The following NAV1 variants were observed in gnomAD, a reference collection of about 807,000 sequenced individuals.
NAV1 encodes the protein neuron navigator 1, also known as pore membrane and/or filament interacting like protein 3.
A neutral mutation model predicts 175.2 loss-of-function variants in NAV1; 18 were observed. That is an observed-to-expected ratio of 0.10 (90% CI 0.07 to 0.15). The LOEUF (loss-of-function observed/expected upper bound fraction) is 0.15. Ranked by LOEUF, NAV1 falls within the 10% of genes least tolerant of loss-of-function variation. The probability of loss-of-function intolerance (pLI) is 1.00; values close to 1 mark genes in which losing one functional copy is unlikely to be tolerated. For missense variants in NAV1, 1,731 were observed against 2,436.6 expected (o/e 0.71, Z 6.10); for synonymous variants, 897 against 978.7 (o/e 0.92, Z 1.56).
rs765589788 is a variant in NAV1, at chr1:201,623,168, C to A, written c.-539C>A. ...GAGTCAGCTGAGGATGGGGAAGGCC[C>A]CTTCAGCTCCCCATGGAATAGTCCC... On this transcript the variant is annotated 5_prime_UTR_variant, in exon 1 of 30. Transcript: ENST00000367302. 177 of 985,954 alleles carry A rather than the reference C, an allele frequency of 1.8e-4. No homozygotes were observed. The African/African-American group carries it at 2.9e-3, about 16-fold the overall frequency. The allele number at this position is 985,954 out of a possible 1,614,324, so 61.1% of individuals were successfully genotyped here.
intron 15 of NAV1, among the ~76,000 whole-genome samples, chr1:201,802,623 AC>A (rs1193244996): frequency 6.6e-6 from 1 of 151,796 alleles, no homozygotes; most frequent in African/African-American, 2.4e-5. Flanking sequence ...TACTAAAAAT[AC>A]GAAAAAATTA....
intron 2 of NAV1, 73 bp downstream of exon 6, chr1:201,712,992 C>T (rs1032885863): frequency 7.8e-6 from 9 of 1,150,024 alleles, no homozygotes; most frequent in Admixed American, 1.7e-5. Context: ...AGGGCAGGGC[C>T]CCCGGGTCCC....
intron 2 of NAV1, among the ~76,000 whole-genome samples, chr1:201,600,510 G>C (rs1667484065): frequency 6.6e-6 from 1 of 152,234 alleles, no homozygotes; most frequent in South Asian, 2.1e-4. Flanking sequence ...TAATGTGCCA[G>C]TGTTGATTTC....
At chr1:201,657,102 G>A (rs976148234) in intron 1 of NAV1, among the ~76,000 whole-genome samples, 6 of 152,126 alleles carry the variant, frequency 3.9e-5, no homozygotes, top group African/African-American at 1.4e-4. Context: ...ATCCCAAGGG[G>A]GAAATGAAAA....
chr1:201,755,139 T>G (rs988664452), intron 3 of NAV1, among the ~76,000 whole-genome samples: 4 of 152,232 alleles, frequency 2.6e-5, no homozygotes, highest in Non-Finnish European at 5.9e-5. Flanking sequence ...TCAACATTTT[T>G]CAGCAACACT....
chr1:201,539,148 G>T lies in NAV1; in HGVS notation c.-338G>T, dbSNP rs536346632. Among the ~76,000 whole-genome samples the T allele has an allele frequency of 1.6e-3, 243 of 152,314 alleles. 4 individuals are homozygous for T. In the South Asian group the frequency reaches 0.048, roughly 30 times the overall value. On this transcript the variant is annotated 5_prime_UTR_variant, in exon 1 of 34. Coordinates refer to the NAV1 transcript ENST00000685211. This position sits in a 1 kb window ranked among gnomAD's most constrained non-coding sequence, Gnocchi z 5.6. ...CCTCATTGTGGGGCCGGGGCCGGCGGCTGCCCTAGTGCGGGGCCCGAGGCT... is the reference window on the plus strand; with the variant it reads ...CCTCATTGTGGGGCCGGGGCCGGCGTCTGCCCTAGTGCGGGGCCCGAGGCT...
intron 15 of NAV1, among the ~76,000 whole-genome samples, chr1:201,800,973 C>T (rs1475843269): frequency 2.0e-5 from 3 of 152,106 alleles, no homozygotes; most frequent in African/African-American, 7.2e-5. Context: ...GGACCACAGG[C>T]GTGTGCCACC....
intron 2 of NAV1, among the ~76,000 whole-genome samples, chr1:201,590,658 T>C (rs1319308812): frequency 6.6e-6 from 1 of 152,176 alleles, no homozygotes; most frequent in African/African-American, 2.4e-5. Flanking sequence ...AGCTGCTGTT[T>C]GGGTGGGTGA....
chr1:201,590,783 G>T (rs1667166476), intron 2 of NAV1, among the ~76,000 whole-genome samples: 1 of 152,166 alleles, frequency 6.6e-6, no homozygotes, highest in South Asian at 2.1e-4. Context: ...CCATTTTCCA[G>T]CCCAGAAAAG....
intron 1 of NAV1, among the ~76,000 whole-genome samples, chr1:201,671,693 A>C (rs6427916): frequency 1.3e-5 from 2 of 151,986 alleles, no homozygotes; most frequent in Admixed American, 6.6e-5. Flanking sequence ...GACCCTGGGC[A>C]CGCTGGGTCT....
At position 201,740,110 on chromosome 1, in the gene NAV1, G is replaced by T; in HGVS notation, c.1226+21355G>T. ...CCCCACCCCCCTGGCCTCACCGCCA[G>T]ACCGCAGAGCTGGGGTCGGGTTTGT... On this transcript the variant is annotated intron_variant, in intron 3 of 29. Transcript: ENST00000367296. The surrounding 1 kb of genome is among the most constrained non-coding windows in gnomAD (Gnocchi z 4.7). 1 of 1,424,698 alleles carries T rather than the reference G, an allele frequency of 7.0e-7. No homozygotes were observed. Among genetic ancestry groups the T allele is most frequent in the East Asian group, 2.9e-5 (1 of 34,994 alleles). The allele number at this position is 1,424,698 out of a possible 1,614,324, so 88.3% of individuals were successfully genotyped here. A position where few individuals can be genotyped will look rare whatever the true frequency, so the allele number is the denominator to read the frequency against.
chr1:201,651,119 G>T (rs1289364647), intron 1 of NAV1, among the ~76,000 whole-genome samples: 1 of 145,664 alleles, frequency 6.9e-6, no homozygotes, highest in Admixed American at 7.0e-5. Flanking sequence ...GAGAGGAAGG[G>T]ACCGTGTGTG....
chr1:201,631,070 G>C (rs780848356), intron 2 of NAV1, among the ~76,000 whole-genome samples: 1 of 152,154 alleles, frequency 6.6e-6, no homozygotes, highest in East Asian at 1.9e-4. Context: ...GGGTACCTCT[G>C]GGGGGACAGA....
chr1:201,564,909 C>T (rs1666306752), intron 1 of NAV1, among the ~76,000 whole-genome samples: 1 of 152,186 alleles, frequency 6.6e-6, no homozygotes, highest in Non-Finnish European at 1.5e-5. Flanking sequence ...AGGTCCTTCT[C>T]ATGCTGCCAT....
Position 201,768,641 on chromosome 1 carries a change from T to TAAA in NAV1, c.1227-11763_1227-11761dup, listed in dbSNP as rs71281169. ...TGACAAGGTGAGATCTTGTCTCAAT[T>TAAA]AAAAAAAAAAAAAAAAAAAGAGTTT... On this transcript the variant is annotated intron_variant, in intron 3 of 29. Transcript: ENST00000367296. Among the ~76,000 whole-genome samples, 109 of 114,160 alleles carry TAAA rather than the reference T, an allele frequency of 9.5e-4. 1 individual carries two copies. Among genetic ancestry groups the TAAA allele is most frequent in the African/African-American group, 3.2e-3 (98 of 30,294 alleles). 74.9% of individuals were successfully genotyped at this position (114,160 alleles called of 152,430 possible).
chr1:201,587,695 C>T lies in NAV1; in HGVS notation c.-143-844C>T, dbSNP rs142178478. On this transcript the variant is annotated intron_variant, in intron 1 of 33. Coordinates refer to the NAV1 transcript ENST00000685211. ...GGAGACCCTACCTCAAACAAACAAA[C>T]GAATGAACAAAAAAGAATGCTTAAA... Among the ~76,000 whole-genome samples, 43 of 151,694 alleles carry T rather than the reference C, an allele frequency of 2.8e-4. No individual in the cohort carries two copies. In the East Asian group the frequency reaches 4.5e-3, roughly 16 times the overall value.
At chr1:201,632,545 C>T (rs1179731103) in intron 2 of NAV1, among the ~76,000 whole-genome samples, 1 of 152,228 alleles carries the variant, frequency 6.6e-6, no homozygotes, top group Non-Finnish European at 1.5e-5. Flanking sequence ...CTGACGTTAC[C>T]GCGTGCCCAC....
rs866593055 is a variant in NAV1, at chr1:201,742,470, C to T, written c.1226+23715C>T. Among the ~76,000 whole-genome samples, 19 of 152,204 alleles carry T rather than the reference C, an allele frequency of 1.2e-4. 1 individual carries two copies. The highest frequency in any genetic ancestry group is 2.1e-4 in the South Asian group (1 of 4,832). ...GGATTCTTCCATCTATCATGGAAGCCTGTGCCCACAAGCACTGTTCTTGCG... is the reference window on the plus strand; with the variant it reads ...GGATTCTTCCATCTATCATGGAAGCTTGTGCCCACAAGCACTGTTCTTGCG... On this transcript the variant is annotated intron_variant, in intron 3 of 29. Coordinates refer to ENST00000367296, the Ensembl canonical transcript of NAV1.
At chr1:201,803,844 G>A (rs1389289362) in intron 16 of NAV1, 130 bp downstream of exon 20, 6 of 1,197,844 alleles carry the variant, frequency 5.0e-6, no homozygotes, top group East Asian at 2.6e-5. Flanking sequence ...CTAGTGTGAT[G>A]TCCGCTCAGA....
Sources: gnomAD v4.1 joint callset for allele counts (sites outside exome capture counted in the v4.1 genomes callset) on GRCh38, gnomAD v4.1.1 for gene constraint, Gnocchi (gnomAD v3.1) non-coding constraint, MANE v1.5 for transcripts, NCBI Gene and HGNC (gene_info 2026-07-23, HGNC 2026-07-21) for gene names.